CNBD1: variants seen among roughly 807,000 people sequenced by gnomAD.
CNBD1 encodes cyclic nucleotide-binding domain-containing protein 1.
A neutral mutation model predicts 54.4 loss-of-function variants in CNBD1; 71 were observed. The ratio of observed to expected loss-of-function variants is 1.30; its 90% CI spans 1.08 to 1.59. The LOEUF (loss-of-function observed/expected upper bound fraction) is 1.59. CNBD1 is among the 40% of genes most tolerant of loss of function. CNBD1 has a pLI of 0.00. For synonymous variants in CNBD1, 182 were observed against 170.7 expected (o/e 1.07, Z -0.51); for missense variants, 659 against 518.0 (o/e 1.27, Z -2.64).
At chr8:86,918,941 A>G (rs557301756) in intron 3 of CNBD1, among the ~76,000 whole-genome samples, 2 of 151,800 alleles carry the variant, frequency 1.3e-5, no homozygotes, top group East Asian at 1.9e-4. Flanking sequence ...ATTTCACTCT[A>G]TGTTCATGTG....
chr8:87,081,574 C>T (rs187837895), intron 4 of CNBD1, among the ~76,000 whole-genome samples: 3 of 150,292 alleles, frequency 2.0e-5, no homozygotes, highest in Admixed American at 6.7e-5. Flanking sequence ...GGCGCGACCT[C>T]GGCTCACTGC....
At chr8:86,951,230 T>C (rs1277889908) in intron 4 of CNBD1, among the ~76,000 whole-genome samples, 1 of 152,106 alleles carries the variant, frequency 6.6e-6, no homozygotes, top group Non-Finnish European at 1.5e-5. Flanking sequence ...AGATTTAATA[T>C]CAGGTAAAAG....
At chr8:87,385,025 A>T (rs562420224), downstream of CNBD1, among the ~76,000 whole-genome samples, 1 of 152,216 alleles carries the variant, frequency 6.6e-6, no homozygotes, top group Non-Finnish European at 1.5e-5. Flanking sequence ...ATCTGACTTA[A>T]GTTTTCAAAT....
chr8:87,282,814 A>T (rs1206197589), intron 6 of CNBD1, among the ~76,000 whole-genome samples: 5 of 152,058 alleles, frequency 3.3e-5, no homozygotes, highest in Non-Finnish European at 7.4e-5. Flanking sequence ...AATGGACAAT[A>T]TCTGCTTGAA....
intron 8 of CNBD1, among the ~76,000 whole-genome samples, chr8:87,329,256 G>T (rs561697881): frequency 6.6e-6 from 1 of 152,016 alleles, no homozygotes; most frequent in East Asian, 1.9e-4. Context: ...GGCTTACATT[G>T]ATCTATTTAT....
In CNBD1 at chr8:87,202,089, C is replaced by T. The variant is rs143736541; in HGVS notation, c.432-3904C>T. Among the ~76,000 whole-genome samples the T allele has an allele frequency of 3.0e-3, 461 of 152,128 alleles. 6 individuals are homozygous for T. The highest frequency in any genetic ancestry group is 0.01 in the African/African-American group (425 of 41,522). The stretch of plus-strand genomic sequence containing the variant: ...ATATAAGCCAAGAGAAGCTGGAATA[C>T]GCAAACCCAGTAGCTGACAAGATAA... On this transcript the variant is annotated intron_variant, in intron 4 of 10. Transcript: ENST00000518476.
intron 4 of CNBD1, among the ~76,000 whole-genome samples, chr8:87,122,306 G>T (rs958704855): frequency 6.6e-6 from 1 of 151,688 alleles, no homozygotes; most frequent in Non-Finnish European, 1.5e-5. Flanking sequence ...TTTCTATAGT[G>T]ATGCTGAACA....
Position 87,423,756 on chromosome 8 carries a change from G to T in CNBD1, c.214-4790G>T, listed in dbSNP as rs1383338010. ...AATTCTCTTTTTTGGTTGTGTCTCT[G>T]CCCGGCTTTTGTATCAGAATGATGC... On this transcript the variant is annotated intron_variant, in intron 2 of 7. Transcript: ENST00000521593. Among the ~76,000 whole-genome samples, 8 of 151,688 alleles carry T rather than the reference G, an allele frequency of 5.3e-5. No homozygotes were observed. The South Asian group carries it at 1.2e-3, about 24-fold the overall frequency.
At chr8:87,039,272 T>A (rs1165160525) in intron 4 of CNBD1, among the ~76,000 whole-genome samples, 1 of 152,234 alleles carries the variant, frequency 6.6e-6, no homozygotes, top group Admixed American at 6.5e-5. Context: ...TTTTTATGGG[T>A]ATAAAACATT....
intron 2 of CNBD1, among the ~76,000 whole-genome samples, chr8:86,897,799 TAG>T (rs1208340958): frequency 1.3e-5 from 2 of 152,174 alleles, no homozygotes; most frequent in Admixed American, 6.5e-5. Context: ...CCAGAACGGA[TAG>T]AGAGTGCATT....
At chr8:87,408,391 A>ATGTG (rs1453637110) in intron 2 of CNBD1, among the ~76,000 whole-genome samples, 8 of 150,162 alleles carry the variant, frequency 5.3e-5, no homozygotes, top group African/African-American at 2.0e-4. Context: ...TTAGATACAT[A>ATGTG]TATGTGTGTG....
chr8:86,917,626 TGAG>T (rs764009382), intron 3 of CNBD1, among the ~76,000 whole-genome samples: 3 of 152,066 alleles, frequency 2.0e-5, no homozygotes, highest in African/African-American at 4.8e-5. Flanking sequence ...TCTGATGACG[TGAG>T]GAGAAGAGAG....
At chr8:87,243,029 C>G (rs56107502) in intron 6 of CNBD1, among the ~76,000 whole-genome samples, 45,348 of 152,000 alleles carry the variant, frequency 0.3, 7,521 homozygotes, top group African/African-American at 0.45. Flanking sequence ...TTATTTTGAA[C>G]AAATTAATCA....
At chr8:87,369,803 G>A (rs972061426) in intron 10 of CNBD1, among the ~76,000 whole-genome samples, 15 of 151,738 alleles carry the variant, frequency 9.9e-5, no homozygotes, top group East Asian at 1.9e-4. Flanking sequence ...GTATACATGC[G>A]CCATGCTGGT....
At chr8:87,092,533 GTATGTGTGTGTATATATATATATACACA>G (rs1322013406) in intron 4 of CNBD1, among the ~76,000 whole-genome samples, 3 of 122,218 alleles carry the variant, frequency 2.5e-5, no homozygotes, top group African/African-American at 1.0e-4. Context: ...GTGTATGTAT[GTATGTGTGTGTATATATATATATACACA>G]TATGTGTGTG....
chr8:87,153,422 G>C (rs1009994477), intron 4 of CNBD1, among the ~76,000 whole-genome samples: 1 of 152,010 alleles, frequency 6.6e-6, no homozygotes, highest in Non-Finnish European at 1.5e-5. Context: ...ATAATTTATA[G>C]AGAAAGACAA....
chr8:86,967,363 G>A (rs1351484150), intron 4 of CNBD1, among the ~76,000 whole-genome samples: 1 of 152,244 alleles, frequency 6.6e-6, no homozygotes, highest in African/African-American at 2.4e-5. Flanking sequence ...GCCCAGGAGG[G>A]CCAGGCTCCT....
intron 4 of CNBD1, among the ~76,000 whole-genome samples, chr8:86,942,345 T>G (rs1807340563): frequency 6.6e-6 from 1 of 152,188 alleles, no homozygotes; most frequent in African/African-American, 2.4e-5. Flanking sequence ...ATTTAGTATC[T>G]CTCAGGGTGA....
At chr8:86,965,495 A>AG in intron 4 of CNBD1, among the ~76,000 whole-genome samples, 1 of 152,140 alleles carries the variant, frequency 6.6e-6, no homozygotes. Flanking sequence ...GTCCTCCTTA[A>AG]GTCTGGCAAC....
Sources: gnomAD v4.1 joint callset for allele counts (sites outside exome capture counted in the v4.1 genomes callset) on GRCh38, gnomAD v4.1.1 for gene constraint, MANE v1.5 for transcripts, NCBI Gene and HGNC (gene_info 2026-07-23, HGNC 2026-07-21) for gene names.